The following MAPKBP1 variants were observed in gnomAD, a reference collection of about 807,000 sequenced individuals.
The protein encoded by MAPKBP1 is mitogen-activated protein kinase-binding protein 1.
Under a neutral mutation model 170.5 loss-of-function variants are expected in MAPKBP1, and 71 were observed. The observed-to-expected ratio is 0.42, with a 90% CI of 0.34 to 0.51. The LOEUF (loss-of-function observed/expected upper bound fraction) is 0.51, where lower values mean the gene tolerates loss of function less well. Ranked by LOEUF, MAPKBP1 falls within the 20% of genes least tolerant of loss-of-function variation. The pLI is 0.06. For missense variants in MAPKBP1, 1,598 were observed against 1,933.0 expected, an observed-to-expected ratio of 0.83 and a Z score of 3.25; for synonymous variants, 719 against 757.9, an observed-to-expected ratio of 0.95 and a Z score of 0.84.
chr15:41,807,688 A>G lies in MAPKBP1; in HGVS notation c.207-3195A>G, dbSNP rs184570889. ...ACTTTCTGGGCTCTGAATTCATGAT[A>G]GTGGCAGGCCTGGGGCTATTACTTT... On this transcript the variant is annotated intron_variant, in intron 3 of 30. Transcript: ENST00000457542. Among the ~76,000 whole-genome samples, 5 of 152,338 alleles carry G rather than the reference A, an allele frequency of 3.3e-5. No homozygotes were observed. The East Asian group carries it at 9.6e-4, about 29-fold the overall frequency.
intron 2 of MAPKBP1, among the ~76,000 whole-genome samples, chr15:41,787,676 T>A (rs1168635747): frequency 1.3e-5 from 2 of 151,934 alleles, no homozygotes; most frequent in African/African-American, 4.8e-5. Flanking sequence ...GCGAACACAT[T>A]CTTTAATTAT....
At chr15:41,783,610 C>G (rs574292603) in intron 2 of MAPKBP1, among the ~76,000 whole-genome samples, 1 of 152,338 alleles carries the variant, frequency 6.6e-6, no homozygotes, top group East Asian at 1.9e-4. Context: ...AAGGCCTCTG[C>G]TTCCCTGTAC....
chr15:41,814,421 C>G (rs921901553), intron 9 of MAPKBP1, 129 bp from the exon 10 acceptor site: 39 of 862,192 alleles, frequency 4.5e-5, no homozygotes, highest in Non-Finnish European at 6.9e-5. Context: ...CTCCTTTCTT[C>G]TCTCAAGCAA....
chr15:41,783,102 T>C lies in MAPKBP1; in HGVS notation c.114+7713T>C, dbSNP rs1401325169. 2.0e-5 allele frequency among the ~76,000 whole-genome samples: 3 copies of C among 152,088 alleles called. No homozygotes were observed. The East Asian group carries it at 5.8e-4, about 29-fold the overall frequency. On this transcript the variant is annotated intron_variant, in intron 2 of 30. Coordinates refer to ENST00000457542, the MANE Select transcript of MAPKBP1 (RefSeq NM_014994.3). ...AGCGGTTGCTGCTTCTCTCTTGGGATTGGTTGGGGAGTGAAGGGCAGACCG... is the reference window on the plus strand; with the variant it reads ...AGCGGTTGCTGCTTCTCTCTTGGGACTGGTTGGGGAGTGAAGGGCAGACCG...
At position 41,816,901 on chromosome 15, in the gene MAPKBP1, C is replaced by G. The variant is rs1159381701; in HGVS notation, c.1586-9C>G. The stretch of plus-strand genomic sequence containing the variant: ...CACTCATGGGCTGATGGAGTTCTTT[C>G]ATCCCCAGGTCTGAAACTGCTAGCA... On this transcript the variant is annotated splice_polypyrimidine_tract_variant and intron_variant, in intron 13 of 30. Transcript: ENST00000457542. 1 of 1,597,694 alleles carries G rather than the reference C, an allele frequency of 6.3e-7. No individual in the cohort carries two copies. The highest frequency in any genetic ancestry group is 1.7e-4 in the Middle Eastern group (1 of 6,014).
chr15:41,811,040 G>A (rs1394200701), intron 4 of MAPKBP1, 95 bp downstream of exon 4: 16 of 1,546,526 alleles, frequency 1.0e-5, no homozygotes, highest in Middle Eastern at 3.4e-4. Flanking sequence ...GCTGGGACCT[G>A]GTTGGGTCCT....
Position 41,825,584 on chromosome 15 carries a change from T to TG in MAPKBP1, c.*154dup, listed in dbSNP as rs3832985. ...AAGCAGCCTTCCCAGCCGCTCCTCG[T>TG]GGGGGGCCTGTATTTATTAATTTAT... On this transcript the variant is annotated 3_prime_UTR_variant, in exon 31 of 31. Transcript: ENST00000457542. The TG allele has an allele frequency of 3.1e-4, 194 of 623,166 alleles. No individual in the cohort carries two copies. The East Asian group carries it at 3.3e-3, about 11-fold the overall frequency. The allele number at this position is 623,166 out of a possible 1,614,324, so 38.6% of individuals were successfully genotyped here. A position where few individuals can be genotyped will look rare whatever the true frequency, so the allele number is the denominator to read the frequency against.
In MAPKBP1 at chr15:41,796,456, C is replaced by G. The variant is rs564561181; in HGVS notation, c.115-3367C>G. On this transcript the variant is annotated intron_variant, in intron 2 of 30. Coordinates refer to ENST00000457542, the MANE Select transcript of MAPKBP1 (RefSeq NM_014994.3). ...GGAGGCCTTGCAGGAACTCTGGACT[C>G]TTAGATCCTTTGAAAGTGGAGCTCA... Among the ~76,000 whole-genome samples, 3 of 152,272 alleles carry G rather than the reference C, an allele frequency of 2.0e-5. No individual in the cohort carries two copies. The South Asian group carries it at 6.2e-4, about 32-fold the overall frequency.
chr15:41,784,657 C>T (rs1017740557), intron 2 of MAPKBP1, among the ~76,000 whole-genome samples: 5 of 151,882 alleles, frequency 3.3e-5, no homozygotes, highest in African/African-American at 1.2e-4. Context: ...TGGCGCACAC[C>T]TGTAGTCCCA....
intron 2 of MAPKBP1, among the ~76,000 whole-genome samples, chr15:41,782,963 C>A (rs1361511530): frequency 6.6e-6 from 1 of 152,194 alleles, no homozygotes; most frequent in Admixed American, 6.5e-5. Context: ...ATTTCCTGAA[C>A]TTTTGTTTCT....
At chr15:41,816,500 G>A in intron 12 of MAPKBP1, 59 bp from the exon 13 acceptor site, 1 of 1,154,114 alleles carries the variant, frequency 8.7e-7, no homozygotes, top group South Asian at 1.2e-5. Flanking sequence ...AGAGGAGGGG[G>A]CGTGAGTCCT....
intron 12 of MAPKBP1, 93 bp downstream of exon 12, chr15:41,815,892 G>A: frequency 1.5e-6 from 2 of 1,309,508 alleles, no homozygotes; most frequent in Non-Finnish European, 2.1e-6. Context: ...AAAAAGATTG[G>A]GCAACAAGAT....
Position 41,813,758 on chromosome 15 carries a change from C to T in MAPKBP1, c.957C>T (p.Asp319=). 3.1e-6 allele frequency: 5 copies of T among 1,607,380 alleles called. No homozygotes were observed. The highest frequency in any genetic ancestry group is 4.2e-6 in the Non-Finnish European group (5 of 1,177,074). ...TLPRPHALGT[D]IASVTEASRL... ...CCCGACCCCATGCTCTGGGGACAGA[C>T]ATTGCTAGCGTCACCGAGGCCAGGT... is the stretch of plus-strand genomic sequence containing the variant. The change falls in exon 9 of 31, where the codon GAC becomes GAT. Residue 319 remains aspartate (D), a synonymous_variant. Transcript: ENST00000457542.
Position 41,819,657 on chromosome 15 carries a change from C to G in MAPKBP1, c.2481+7C>G. Reference sequence around the variant, plus strand: ...CCACTGGGAGATGAGTCGGGTGAGTCGCCATTGTTAAAATGTTCTTCCAAG... The same window carrying G: ...CCACTGGGAGATGAGTCGGGTGAGTGGCCATTGTTAAAATGTTCTTCCAAG... On this transcript the variant is annotated splice_region_variant and intron_variant, in intron 22 of 30. Coordinates refer to ENST00000457542, the MANE Select transcript of MAPKBP1 (RefSeq NM_014994.3). 3 of 1,607,328 alleles carry G rather than the reference C, an allele frequency of 1.9e-6. No individual in the cohort carries two copies. The highest frequency in any genetic ancestry group is 8.5e-7 in the Non-Finnish European group (1 of 1,176,258).
chr15:41,784,579 C>T (rs34527651), intron 2 of MAPKBP1, among the ~76,000 whole-genome samples: 1 of 151,696 alleles, frequency 6.6e-6, no homozygotes, highest in African/African-American at 2.4e-5. Context: ...GTCAAGAGAT[C>T]TAGACCATCC....
intron 21 of MAPKBP1, 47 bp from the exon 22 acceptor site, chr15:41,819,547 CG>C (rs3034893): frequency 0.16 from 197,755 of 1,227,164 alleles, 20,276 homozygotes; most frequent in African/African-American, 0.41. Context: ...GGTTGGGTGG[CG>C]GGGGGGGGGC....
chr15:41,818,485 G>A lies in MAPKBP1; in HGVS notation c.2093-34G>A. The A allele has an allele frequency of 3.1e-6, 5 of 1,598,166 alleles. No individual in the cohort carries two copies. Among genetic ancestry groups the A allele is most frequent in the Non-Finnish European group, 4.3e-6 (5 of 1,169,828 alleles). ...GAGAGGACTTGGTTGGGAATTTAAG[G>A]TGGCTTATAGACCGTATTCTTTGTT... On this transcript the variant is annotated intron_variant, in intron 18 of 30. Coordinates refer to ENST00000457542, the MANE Select transcript of MAPKBP1 (RefSeq NM_014994.3). The surrounding 1 kb of genome is among the most constrained non-coding windows in gnomAD (Gnocchi z 5.2).
Position 41,819,374 on chromosome 15 carries a change from C to T in MAPKBP1, c.2420C>T (p.Ala807Val), listed in dbSNP as rs2152082593. Residue 807 changes from alanine (A) to valine (V), a missense_variant, in exon 21 of 31, where the codon GCA becomes GTA. Around this residue, in one of 6 missense-constraint regions of MAPKBP1, gnomAD observed 942 missense variants for 953.2 expected, o/e 0.99. Coordinates refer to ENST00000457542, the MANE Select transcript of MAPKBP1 (RefSeq NM_014994.3). Reference protein sequence around the residue: ...LPVLAKSTKKALASVPSPALP... With the variant: ...LPVLAKSTKKVLASVPSPALP... ...GTCCTTGCCAAGAGTACCAAGAAGG[C>T]ACTGGGTCTGTGGCAGTTGGGTGTG... is the stretch of plus-strand genomic sequence containing the variant. The T allele has an allele frequency of 6.2e-7, 1 of 1,614,040 alleles. No individual in the cohort carries two copies. Among genetic ancestry groups the T allele is most frequent in the Admixed American group, 1.7e-5 (1 of 60,018 alleles).
intron 2 of MAPKBP1, among the ~76,000 whole-genome samples, chr15:41,788,983 G>A (rs1332172117): frequency 1.3e-5 from 2 of 152,188 alleles, no homozygotes; most frequent in African/African-American, 2.4e-5. Flanking sequence ...TGAGCATTTT[G>A]TAGAGAATAG....
Sources: allele counts gnomAD v4.1 joint callset (sites outside exome capture counted in the v4.1 genomes callset), GRCh38; gene constraint gnomAD v4.1.1; regional missense constraint gnomAD v4.1.1; non-coding constraint Gnocchi (gnomAD v3.1); transcripts MANE v1.5; gene names NCBI Gene and HGNC (gene_info 2026-07-23, HGNC 2026-07-21).